S100Z: variants seen among roughly 807,000 people sequenced by gnomAD.
S100Z encodes the protein S100 calcium binding protein Z.
A neutral mutation model predicts 8.5 loss-of-function variants in S100Z; 11 were observed. That is an observed-to-expected ratio of 1.30 (90% confidence interval 0.82 to 2.15). S100Z has a LOEUF of 2.15. S100Z is among the 30% of genes most tolerant of loss of function. The probability of loss-of-function intolerance (pLI) is 0.00; values close to 1 mark genes in which losing one functional copy is unlikely to be tolerated. For missense variants in S100Z, 126 were observed against 117.9 expected (o/e 1.07, Z -0.32); for synonymous variants, 34 against 43.8 (o/e 0.78, Z 0.89).
At chr5:76,929,158 G>A in the S100Z span, among the ~76,000 whole-genome samples, 1 of 152,210 alleles carries the variant, frequency 6.6e-6, no homozygotes, top group South Asian at 2.1e-4. Context: ...CTCCTCGCTG[G>A]ACAATGCACC....
At chr5:76,927,932 C>G in the S100Z span, among the ~76,000 whole-genome samples, 1 of 152,200 alleles carries the variant, frequency 6.6e-6, no homozygotes, top group Admixed American at 6.5e-5. Flanking sequence ...TGAAGCCCAG[C>G]TGACTCTAAG....
At chr5:76,930,577 C>G in the S100Z span, among the ~76,000 whole-genome samples, 99 of 152,276 alleles carry the variant, frequency 6.5e-4, 1 homozygote, top group South Asian at 0.02. Flanking sequence ...TCTATTCAAT[C>G]CTCAGCAAGA....
chr5:76,924,249 T>G (rs1466673354), downstream of S100Z, among the ~76,000 whole-genome samples: 2 of 152,184 alleles, frequency 1.3e-5, no homozygotes, highest in East Asian at 1.9e-4. Flanking sequence ...TTCCCTGCTC[T>G]TTCCTCCCCT....
the S100Z span, among the ~76,000 whole-genome samples, chr5:76,933,356 G>T: frequency 6.6e-6 from 1 of 152,218 alleles, no homozygotes; most frequent in African/African-American, 2.4e-5. Context: ...CCTGTGGAGT[G>T]AGACGGCCTC....
intron 4 of S100Z, among the ~76,000 whole-genome samples, chr5:76,889,614 G>A (rs1743788921): frequency 6.6e-6 from 1 of 152,144 alleles, no homozygotes; most frequent in Admixed American, 6.6e-5. Context: ...TTAATTTCAT[G>A]GCATTTCTAA....
At chr5:76,909,968 G>A (rs947263185) in intron 4 of S100Z, among the ~76,000 whole-genome samples, 6 of 152,216 alleles carry the variant, frequency 3.9e-5, no homozygotes, top group African/African-American at 7.2e-5. Flanking sequence ...ATGATAGAAT[G>A]ACAGCCAAAG....
At chr5:76,898,258 C>A (rs1002365153) in intron 4 of S100Z, among the ~76,000 whole-genome samples, 2 of 151,766 alleles carry the variant, frequency 1.3e-5, no homozygotes, top group Admixed American at 1.3e-4. Flanking sequence ...TCAAGTGATT[C>A]TCCTGCCTCA....
chr5:76,904,172 T>C (rs892655632), intron 4 of S100Z, among the ~76,000 whole-genome samples: 2 of 152,178 alleles, frequency 1.3e-5, no homozygotes, highest in African/African-American at 4.8e-5. Flanking sequence ...AAATATGTGT[T>C]TTACAAATAT....
intron 4 of S100Z, among the ~76,000 whole-genome samples, chr5:76,893,717 C>A (rs1375116763): frequency 6.6e-6 from 1 of 152,124 alleles, no homozygotes; most frequent in Non-Finnish European, 1.5e-5. Context: ...AAAGAGATTC[C>A]CTTGAGCACT....
intron 4 of S100Z, among the ~76,000 whole-genome samples, chr5:76,882,115 T>A (rs1743421013): frequency 6.6e-6 from 1 of 151,728 alleles, no homozygotes; most frequent in Non-Finnish European, 1.5e-5. Context: ...TGCTGAGAGG[T>A]AGTGGAGGGG....
chr5:76,914,058 C>A (rs1022324507), intron 4 of S100Z, among the ~76,000 whole-genome samples: 1 of 152,158 alleles, frequency 6.6e-6, no homozygotes, highest in Non-Finnish European at 1.5e-5. Flanking sequence ...ACAAGTGGAA[C>A]ACCAAATGAG....
the S100Z span, among the ~76,000 whole-genome samples, chr5:76,947,822 T>C: frequency 6.6e-6 from 1 of 152,140 alleles, no homozygotes; most frequent in Admixed American, 6.6e-5. Context: ...TGCAAAATAA[T>C]AAAATTGAAC....
At chr5:76,937,019 G>T in the S100Z span, among the ~76,000 whole-genome samples, 2 of 152,046 alleles carry the variant, frequency 1.3e-5, no homozygotes, top group Non-Finnish European at 2.9e-5. Context: ...ATCGTCATAC[G>T]CAAAACAGAA....
At chr5:76,877,859 C>G in intron 4 of S100Z, 25 bp downstream of exon 4, 1 of 1,522,756 alleles carries the variant, frequency 6.6e-7, no homozygotes, top group Non-Finnish European at 9.1e-7. Flanking sequence ...CATCTAAAGG[C>G]AGAAATATAT....
At chr5:76,943,485 C>T in the S100Z span, among the ~76,000 whole-genome samples, 4 of 152,210 alleles carry the variant, frequency 2.6e-5, no homozygotes, top group Admixed American at 6.5e-5. Context: ...TTTAAAACCA[C>T]GGCAGGACCT....
intron 4 of S100Z, among the ~76,000 whole-genome samples, chr5:76,891,078 T>C (rs1232377687): frequency 6.6e-6 from 1 of 152,130 alleles, no homozygotes; most frequent in Non-Finnish European, 1.5e-5. Context: ...GCAAGGCTAG[T>C]CTTGAACTCC....
Position 76,903,392 on chromosome 5 carries a change from G to T in S100Z, c.*3-17325G>T, listed in dbSNP as rs185155545. Among the ~76,000 whole-genome samples the T allele has an allele frequency of 2.0e-3, 306 of 152,106 alleles. 2 individuals carry two copies. Among genetic ancestry groups the T allele is most frequent in the Admixed American group, 7.1e-3 (109 of 15,278 alleles). On this transcript the variant is annotated intron_variant, in intron 4 of 4. Transcript: ENST00000317593. ...ACATTTGATATTAATCTATGATTTTGTATATACCTTTTTATTGCTGTGTAG... is the reference window on the plus strand; with the variant it reads ...ACATTTGATATTAATCTATGATTTTTTATATACCTTTTTATTGCTGTGTAG...
chr5:76,875,234 A>G, intron 2 of S100Z, 70 bp from the exon 3 acceptor site: 1 of 857,070 alleles, frequency 1.2e-6, no homozygotes, highest in South Asian at 2.0e-5. Flanking sequence ...TGGCGAGCTG[A>G]CTCGGGGGAT....
the S100Z span, among the ~76,000 whole-genome samples, chr5:76,941,142 A>G: frequency 1.1e-4 from 17 of 152,220 alleles, 1 homozygote; most frequent in Admixed American, 1.0e-3. Flanking sequence ...ACAAAAGGAA[A>G]GACAGTTTCT....
Sources: gnomAD v4.1 joint callset for allele counts (sites outside exome capture counted in the v4.1 genomes callset) on GRCh38, gnomAD v4.1.1 for gene constraint, MANE v1.5 for transcripts, NCBI Gene and HGNC (gene_info 2026-07-23, HGNC 2026-07-21) for gene names.